MYH2: variants seen among roughly 807,000 people sequenced by gnomAD.
The protein encoded by MYH2 is myosin-2.
A neutral mutation model predicts 228.1 loss-of-function variants in MYH2; 139 were observed. The ratio of observed to expected loss-of-function variants is 0.61; its 90% CI spans 0.53 to 0.70. The LOEUF (loss-of-function observed/expected upper bound fraction) is 0.70, where lower values mean the gene tolerates loss of function less well. Among genes scored for constraint, MYH2 ranks in the 30% least tolerant of loss-of-function variants. The probability of loss-of-function intolerance (pLI) is 0.00; values close to 1 mark genes in which losing one functional copy is unlikely to be tolerated. For missense variants in MYH2, 1,809 were observed against 2,357.5 expected, an observed-to-expected ratio of 0.77 and a Z score of 4.82; for synonymous variants, 796 against 871.1, an observed-to-expected ratio of 0.91 and a Z score of 1.52.
At position 10,523,539 on chromosome 17, in the gene MYH2, G is replaced by C; in HGVS notation, c.5429C>G (p.Ala1810Gly). ...GATCTGCTTCTTCCCACCCTTCAGGGCCAGCTGCTCAGCCTCATCCAGACG... is the reference window on the plus strand; with the variant it reads ...GATCTGCTTCTTCCCACCCTTCAGGCCCAGCTGCTCAGCCTCATCCAGACG... ...QLRLDEAEQLALKGGKKQIQK... is the reference protein window; with the variant it reads ...QLRLDEAEQLGLKGGKKQIQK... The change falls in exon 37 of 40, where the codon GCC (alanine) becomes GGC (glycine). Residue 1810 changes from alanine to glycine, a missense_variant. By Grantham distance (60) the Ala-to-Gly change is moderately conservative. Transcript: ENST00000245503. 1 of 1,614,186 alleles carries C rather than the reference G, an allele frequency of 6.2e-7. No individual in the cohort carries two copies. Among genetic ancestry groups the C allele is most frequent in the Non-Finnish European group, 8.5e-7 (1 of 1,180,044 alleles).
chr17:10,534,642 C>T (rs372401769), intron 19 of MYH2, among the ~76,000 whole-genome samples: 2 of 152,200 alleles, frequency 1.3e-5, no homozygotes, highest in East Asian at 1.9e-4. Context: ...TGAGGCTGGG[C>T]ATGGTGGCTC....
chr17:10,542,666 G>A (rs1424594150), intron 10 of MYH2, among the ~76,000 whole-genome samples: 1 of 152,156 alleles, frequency 6.6e-6, no homozygotes, highest in East Asian at 1.9e-4. Context: ...ATAGTAGTAG[G>A]AATTAGAGAT....
chr17:10,544,140 T>C lies in MYH2; in HGVS notation c.506-13A>G. 6.2e-7 allele frequency: 1 copy of C among 1,611,312 alleles called. No individual in the cohort carries two copies. The highest frequency in any genetic ancestry group is 8.5e-7 in the Non-Finnish European group (1 of 1,177,544). On this transcript the variant is annotated splice_polypyrimidine_tract_variant and intron_variant, in intron 5 of 39. Coordinates refer to ENST00000245503, the MANE Select transcript of MYH2 (RefSeq NM_017534.6). ...TGATTCTCTCGGTCTACAAAAGAAATTATAGACATTTAATACTGTTTTCTT... is the reference window on the plus strand; with the variant it reads ...TGATTCTCTCGGTCTACAAAAGAAACTATAGACATTTAATACTGTTTTCTT...
At chr17:10,523,244 T>C in intron 38 of MYH2, 59 bp from the exon 39 acceptor site, 1 of 1,604,520 alleles carries the variant, frequency 6.2e-7, no homozygotes, top group Admixed American at 1.7e-5. Context: ...TATTGCATCA[T>C]TGCATATGAG....
chr17:10,525,228 G>A lies in MYH2; in HGVS notation c.4658C>T (p.Ala1553Val). The change falls in exon 33 of 40, where the codon GCA (alanine) becomes GTA (valine). Residue 1553 changes from alanine to valine, a missense_variant. This residue lies in a region of MYH2 where 636 missense variants were observed against 729.9 expected (regional missense o/e 0.87). Coordinates refer to ENST00000245503, the MANE Select transcript of MYH2 (RefSeq NM_017534.6). This position sits in a 1 kb window ranked among gnomAD's most constrained non-coding sequence, Gnocchi z 4.2. ...AATGCACAATTTTACATGTACCTCT[G>A]CTTCTTCTAAAGCAGCCTGAAGTTC... ...KCELQAALEE[A>V]EASLEHEEGK... 6.2e-7 allele frequency: 1 copy of A among 1,613,972 alleles called. No individual in the cohort carries two copies. Among genetic ancestry groups the A allele is most frequent in the Non-Finnish European group, 8.5e-7 (1 of 1,180,028 alleles).
rs1445456304 is a variant in MYH2, at chr17:10,528,735, C to A, written c.3699G>T (p.Glu1233Asp). 6.2e-7 allele frequency: 1 copy of A among 1,614,142 alleles called. No individual in the cohort carries two copies. Residue 1233 changes from glutamate (E) to aspartate (D), a missense_variant, in exon 27 of 40, where the codon GAG (glutamate) becomes GAT (aspartate). Glu to Asp is a conservative substitution (Grantham distance 45, BLOSUM62 2). Transcript: ENST00000245503. ...LEKEKSEMKMEIDDLASNVET... is the reference protein window; with the variant it reads ...LEKEKSEMKMDIDDLASNVET... ...CTACATTACTAGCAAGGTCATCAAT[C>A]TCCATCTTCATCTCACTCTTCTCCT...
At chr17:10,531,305 C>T (rs1034053624) in intron 22 of MYH2, among the ~76,000 whole-genome samples, 4 of 152,092 alleles carry the variant, frequency 2.6e-5, no homozygotes, top group African/African-American at 4.8e-5. Context: ...GCTATCCTCC[C>T]CTTCATATTT....
At position 10,548,065 on chromosome 17, in the gene MYH2, A is replaced by G. The variant is rs565172398; in HGVS notation, c.-20-125T>C. 41 of 796,520 alleles carry G rather than the reference A, an allele frequency of 5.1e-5. No individual in the cohort carries two copies. The South Asian group carries it at 6.2e-4, about 12-fold the overall frequency. The allele number at this position is 796,520 out of a possible 1,614,324, so 49.3% of individuals were successfully genotyped here. A position where few individuals can be genotyped will look rare whatever the true frequency, so the allele number is the denominator to read the frequency against. On this transcript the variant is annotated intron_variant, in intron 2 of 39. Coordinates refer to ENST00000245503, the MANE Select transcript of MYH2 (RefSeq NM_017534.6). Reference sequence around the variant, plus strand: ...ACTAGACAGGTCTACTGTTCACCATACTATAGTTACTGAGACAAACATAAT... The same window carrying G: ...ACTAGACAGGTCTACTGTTCACCATGCTATAGTTACTGAGACAAACATAAT...
In MYH2 at chr17:10,531,232, A is replaced by T. The variant is rs151149910; in HGVS notation, c.2697+401T>A. Among the ~76,000 whole-genome samples, 154 of 152,316 alleles carry T rather than the reference A, an allele frequency of 1.0e-3. 1 individual carries two copies. In the East Asian group the frequency reaches 0.017, roughly 16 times the overall value. On this transcript the variant is annotated intron_variant, in intron 22 of 39. Coordinates refer to ENST00000245503, the MANE Select transcript of MYH2 (RefSeq NM_017534.6). ...GTCATATGTCAGCTGTTCCTATTAT[A>T]ATTTAAGACCCGTGGACATCTAGAA...
rs1243834294 is a variant in MYH2 at position 10,525,314 on chromosome 17, T to G, written c.4572A>C (p.Glu1524Asp). ...CCAGTTCATGGATACGTTTCCCTCC[T>G]TCTGCAATCTGTTCCGTGAGGTCAG... ...EISDLTEQIA[E>D]GGKRIHELEK... is the part of the protein sequence containing the mutation. The change falls in exon 33 of 40, where the codon GAA becomes GAC. Residue 1524 changes from glutamate to aspartate, a missense_variant. Physicochemically the swap from Glu to Asp is conservative, Grantham distance 45. This residue lies in a region of MYH2 where 636 missense variants were observed against 729.9 expected (regional missense o/e 0.87). Transcript: ENST00000245503. The surrounding 1 kb of genome is among the most constrained non-coding windows in gnomAD (Gnocchi z 4.2). The G allele has an allele frequency of 8.1e-6, 13 of 1,614,152 alleles. No homozygotes were observed. The highest frequency in any genetic ancestry group is 1.1e-5 in the Non-Finnish European group (13 of 1,179,990).
At position 10,525,452 on chromosome 17, in the gene MYH2, C is replaced by G; in HGVS notation, c.4536G>C (p.Gln1512His). The G allele has an allele frequency of 6.2e-7, 1 of 1,614,108 alleles. No homozygotes were observed. Among genetic ancestry groups the G allele is most frequent in the Non-Finnish European group, 8.5e-7 (1 of 1,179,980 alleles). Residue 1512 changes from glutamine to histidine, a missense_variant and splice_region_variant, in exon 32 of 40, where the codon CAG (glutamine) becomes CAC (histidine). Coordinates refer to ENST00000245503, the MANE Select transcript of MYH2 (RefSeq NM_017534.6). The surrounding 1 kb of genome is among the most constrained non-coding windows in gnomAD (Gnocchi z 4.2). ...ETLKRENKNL[Q>H]QEISDLTEQI... ...TTATTGAATATGATAGGGACTTACG[C>G]TGTAAGTTTTTGTTCTCTCGCTTCA...
chr17:10,525,194 T>A lies in MYH2; in HGVS notation c.4662+30A>T. ...CAGATGTACCTAATTATTTTCCAGA[T>A]TTTTTTATAATGCACAATTTTACAT... On this transcript the variant is annotated intron_variant, in intron 33 of 39. Coordinates refer to ENST00000245503, the MANE Select transcript of MYH2 (RefSeq NM_017534.6). The surrounding 1 kb of genome is among the most constrained non-coding windows in gnomAD (Gnocchi z 4.2). 6.2e-7 allele frequency: 1 copy of A among 1,613,926 alleles called. No homozygotes were observed.
chr17:10,529,032 G>C lies in MYH2; in HGVS notation c.3402C>G (p.Ser1134=), dbSNP rs909751645. ...LEEEIEAERA[S]RAKAEKQRSD... is the part of the protein sequence containing the mutation. ...AGCGCTGCTTCTCTGCTTTGGCCCG[G>C]GAGGCCCGCTCTGCCTCGATTTCCT... is the stretch of plus-strand genomic sequence containing the variant. The change falls in exon 27 of 40, where the codon TCC becomes TCG. Residue 1134 remains serine, a synonymous_variant. Coordinates refer to ENST00000245503, the MANE Select transcript of MYH2 (RefSeq NM_017534.6). 1 of 1,614,108 alleles carries C rather than the reference G, an allele frequency of 6.2e-7. No individual in the cohort carries two copies. The highest frequency in any genetic ancestry group is 8.5e-7 in the Non-Finnish European group (1 of 1,180,052).
In MYH2 at chr17:10,537,975, A is replaced by G; in HGVS notation, c.1417-140T>C. On this transcript the variant is annotated intron_variant, in intron 14 of 39. Transcript: ENST00000245503. The surrounding 1 kb of genome is among the most constrained non-coding windows in gnomAD (Gnocchi z 4.0). ...AATCACTGGGTTAAAGAGACTTTGA[A>G]ATAAAAGGTGAAAAGTATGGAAGGT... The G allele has an allele frequency of 6.9e-7, 1 of 1,458,248 alleles. No homozygotes were observed. The highest frequency in any genetic ancestry group is 9.3e-7 in the Non-Finnish European group (1 of 1,079,566). 90.3% of individuals were successfully genotyped at this position (1,458,248 alleles called of 1,614,324 possible). A position where few individuals can be genotyped will look rare whatever the true frequency, so the allele number is the denominator to read the frequency against.
rs1189554510 is a variant in MYH2, at chr17:10,529,206, G to T, written c.3310C>A (p.Gln1104Lys). The change falls in exon 26 of 40, where the codon CAG becomes AAG. Residue 1104 changes from glutamine (Q) to lysine (K), a missense_variant. By Grantham distance (53) the Gln-to-Lys change is moderately conservative. Coordinates refer to ENST00000245503, the MANE Select transcript of MYH2 (RefSeq NM_017534.6). Reference sequence around the variant, plus strand: ...TTCTGCAATTGAATGCCAAGTGCCTGTTCATCTTCAATCTTGCTTTGCAGA... The same window carrying T: ...TTCTGCAATTGAATGCCAAGTGCCTTTTCATCTTCAATCTTGCTTTGCAGA... ...SNLQSKIEDE[Q>K]ALGIQLQKKI... is the part of the protein sequence containing the mutation. 1 of 1,614,228 alleles carries T rather than the reference G, an allele frequency of 6.2e-7. No individual in the cohort carries two copies. The highest frequency in any genetic ancestry group is 1.3e-5 in the African/African-American group (1 of 75,056).
chr17:10,540,198 A>G (rs2073533711), intron 11 of MYH2, 132 bp from the exon 12 acceptor site: 1 of 1,273,470 alleles, frequency 7.9e-7, no homozygotes. Context: ...TAGATTGGGT[A>G]TATAGAGAGT....
chr17:10,530,070 G>T lies in MYH2; in HGVS notation c.2702C>A (p.Ala901Asp), dbSNP rs769765489. 1.2e-6 allele frequency: 2 copies of T among 1,614,194 alleles called. No homozygotes were observed. The highest frequency in any genetic ancestry group is 1.7e-6 in the Non-Finnish European group (2 of 1,180,044). ...NDLQLQVQAE[A>D]EGLADAEERC... ...TTCCTCTGCATCAGCCAAGCCTTCG[G>T]CTTCCTTAAGTTGGAAACAAGATCA... Residue 901 changes from alanine to aspartate, a missense_variant, in exon 23 of 40, where the codon GCC (alanine) becomes GAC (aspartate). By Grantham distance (126) the Ala-to-Asp change is moderately radical (BLOSUM62 -2). Around this residue, in one of 9 missense-constraint regions of MYH2, gnomAD observed 276 missense variants for 344.2 expected, o/e 0.80. Transcript: ENST00000245503.
rs2073525513 is a variant in MYH2 at position 10,539,537 on chromosome 17, C to T, written c.1173G>A (p.Gln391=). 1 of 1,613,990 alleles carries T rather than the reference C, an allele frequency of 6.2e-7. No homozygotes were observed. The highest frequency in any genetic ancestry group is 8.5e-7 in the Non-Finnish European group (1 of 1,180,024). ...TEVADKAAYL[Q]SLNSADLLKA... is the part of the protein sequence containing the mutation. ...TGAGCAGATCTGCAGAGTTCAGACT[C>T]TGGAGGTAGGCCGCCTTGTCAGCAA... Residue 391 remains glutamine (Q), a synonymous_variant, in exon 13 of 40, where the codon CAG becomes CAA. Coordinates refer to ENST00000245503, the MANE Select transcript of MYH2 (RefSeq NM_017534.6).
intron 2 of MYH2, among the ~76,000 whole-genome samples, chr17:10,549,060 C>G (rs1415425994): frequency 6.6e-6 from 1 of 152,190 alleles, no homozygotes; most frequent in Non-Finnish European, 1.5e-5. Context: ...ATTCTAACAG[C>G]AGGATACATT....
Sources: gnomAD v4.1 joint callset for allele counts (sites outside exome capture counted in the v4.1 genomes callset) on GRCh38, gnomAD v4.1.1 for gene constraint, gnomAD v4.1.1 regional missense constraint, Gnocchi (gnomAD v3.1) non-coding constraint, MANE v1.5 for transcripts, NCBI Gene and HGNC (gene_info 2026-07-23, HGNC 2026-07-21) for gene names.